PTPN3: variants seen among roughly 807,000 people sequenced by gnomAD.
The protein encoded by PTPN3 is protein tyrosine phosphatase non-receptor type 3.
A neutral mutation model predicts 132.7 loss-of-function variants in PTPN3; 96 were observed. The ratio of observed to expected loss-of-function variants is 0.72; its 90% CI spans 0.61 to 0.86. PTPN3 has a LOEUF of 0.86. PTPN3 is among the 40% of genes least tolerant of loss of function. PTPN3 has a pLI of 0.00. For synonymous variants in PTPN3, 398 were observed against 429.0 expected (o/e 0.93, Z 0.89); for missense variants, 1,125 against 1,159.6 (o/e 0.97, Z 0.43).
intron 19 of PTPN3, among the ~76,000 whole-genome samples, chr9:109,403,067 C>G (rs1316805145): frequency 2.0e-5 from 3 of 152,134 alleles, no homozygotes; most frequent in African/African-American, 7.2e-5. Flanking sequence ...GACAGACGCC[C>G]TGTCTCTAAA....
chr9:109,524,696 T>C, the PTPN3 span, among the ~76,000 whole-genome samples: 1 of 152,230 alleles, frequency 6.6e-6, no homozygotes, highest in African/African-American at 2.4e-5. Flanking sequence ...CTTTTCCTTT[T>C]AAGTAATTTC....
chr9:109,444,428 TCCATCTGGA>T (rs1844709600), intron 7 of PTPN3, among the ~76,000 whole-genome samples: 5 of 152,314 alleles, frequency 3.3e-5, no homozygotes, highest in African/African-American at 1.2e-4. Flanking sequence ...TCAAGAAAAT[TCCATCTGGA>T]CTTTCTATCC....
chr9:109,399,413 G>T (rs892002931), intron 19 of PTPN3, among the ~76,000 whole-genome samples: 1 of 152,136 alleles, frequency 6.6e-6, no homozygotes, highest in Non-Finnish European at 1.5e-5. Flanking sequence ...TCTGATTTTC[G>T]TTTTCTCCAT....
At chr9:109,430,935 C>T (rs1271359094) in intron 10 of PTPN3, among the ~76,000 whole-genome samples, 1 of 152,184 alleles carries the variant, frequency 6.6e-6, no homozygotes, top group South Asian at 2.1e-4. Context: ...TTTCCTTGGG[C>T]CAAAGCTCAG....
chr9:109,494,005 G>A (rs1847574414), intron 1 of PTPN3, among the ~76,000 whole-genome samples: 1 of 152,208 alleles, frequency 6.6e-6, no homozygotes, highest in African/African-American at 2.4e-5. Context: ...AAAACCAGAG[G>A]CATCCCTGCA....
intron 14 of PTPN3, among the ~76,000 whole-genome samples, chr9:109,419,946 TA>T (rs1181729011): frequency 6.6e-6 from 1 of 152,244 alleles, no homozygotes; most frequent in Non-Finnish European, 1.5e-5. Flanking sequence ...TTTGTTTCTT[TA>T]TACTAACTAT....
the PTPN3 span, among the ~76,000 whole-genome samples, chr9:109,504,257 A>T: frequency 6.6e-6 from 1 of 152,170 alleles, no homozygotes; most frequent in Non-Finnish European, 1.5e-5. Flanking sequence ...CAGGAGATGG[A>T]GTCAGAGAGG....
At chr9:109,430,060 T>C (rs1297765210) in intron 10 of PTPN3, among the ~76,000 whole-genome samples, 1 of 152,148 alleles carries the variant, frequency 6.6e-6, no homozygotes, top group Non-Finnish European at 1.5e-5. Context: ...AACTGTGAAG[T>C]AAATTTTTTG....
intron 18 of PTPN3, 104 bp downstream of exon 18, chr9:109,406,358 G>T: frequency 7.3e-7 from 1 of 1,366,820 alleles, no homozygotes; most frequent in Non-Finnish European, 1.0e-6. Flanking sequence ...ATTTTCAAAT[G>T]TTGGCTACAA....
chr9:109,438,197 T>C lies in PTPN3; in HGVS notation c.504A>G (p.Pro168=). The C allele has an allele frequency of 1.2e-6, 2 of 1,612,982 alleles. No individual in the cohort carries two copies. The highest frequency in any genetic ancestry group is 1.1e-5 in the South Asian group (1 of 91,026). The change falls in exon 8 of 26, where the codon CCA becomes CCG. Residue 168 remains proline, a synonymous_variant. Coordinates refer to ENST00000374541, the MANE Select transcript of PTPN3 (RefSeq NM_002829.4). ...TAAAGTGACTATCGGAAAGATAGCC[T>C]GGATGATGTATGGAAGAATTATAGT... ...FGDYNSSIHH[P]GYLSDSHFIP...
At position 109,428,641 on chromosome 9, in the gene PTPN3, T is replaced by C; in HGVS notation, c.808A>G (p.Ile270Val). Reference protein sequence around the residue: ...KISFKRKKFFIHQRQKQAESR... With the variant: ...KISFKRKKFFVHQRQKQAESR... ...CTCACCTGTTTCTGTCGCTGATGTA[T>C]GAAGAACTTTTTCCTTTTGAAAGAA... Residue 270 changes from isoleucine (I) to valine (V), a missense_variant, in exon 11 of 26, where the codon ATA (isoleucine) becomes GTA (valine). Transcript: ENST00000374541. The C allele has an allele frequency of 1.2e-6, 2 of 1,613,894 alleles. No homozygotes were observed. The highest frequency in any genetic ancestry group is 1.7e-6 in the Non-Finnish European group (2 of 1,179,856).
At chr9:109,483,657 C>T (rs889104453) in intron 1 of PTPN3, among the ~76,000 whole-genome samples, 2 of 152,152 alleles carry the variant, frequency 1.3e-5, no homozygotes, top group Non-Finnish European at 2.9e-5. Context: ...TCAAATCACT[C>T]CATACGTCTC....
At chr9:109,382,221 G>T in intron 24 of PTPN3, 81 bp downstream of exon 24, 1 of 1,484,230 alleles carries the variant, frequency 6.7e-7, no homozygotes. Context: ...ATGTAGGGTG[G>T]GTCTGGCGCC....
chr9:109,522,003 T>C, the PTPN3 span, among the ~76,000 whole-genome samples: 1 of 90,112 alleles, frequency 1.1e-5, no homozygotes, highest in Non-Finnish European at 2.3e-5. Context: ...GGCTAGAGCC[T>C]GTCAGTGGCA....
At chr9:109,536,537 G>A in the PTPN3 span, among the ~76,000 whole-genome samples, 1 of 152,192 alleles carries the variant, frequency 6.6e-6, no homozygotes, top group African/African-American at 2.4e-5. Context: ...GTATCCAAGG[G>A]CAAGGACTGT....
At chr9:109,493,245 AAAAC>A (rs141159233) in intron 1 of PTPN3, among the ~76,000 whole-genome samples, 1 of 152,192 alleles carries the variant, frequency 6.6e-6, no homozygotes, top group African/African-American at 2.4e-5. Context: ...CTATATTTAA[AAAAC>A]AAACAAACAA....
rs143333659 is a variant in PTPN3 at position 109,387,741 on chromosome 9, T to G, written c.2253+1492A>C. 5.9e-3 allele frequency among the ~76,000 whole-genome samples: 895 copies of G among 152,276 alleles called. 5 individuals carry two copies. Among genetic ancestry groups the G allele is most frequent in the African/African-American group, 0.021 (865 of 41,552 alleles). On this transcript the variant is annotated intron_variant, in intron 22 of 25. Coordinates refer to ENST00000374541, the MANE Select transcript of PTPN3 (RefSeq NM_002829.4). ...CAAAGCCCCTGCCTCTGACCGCCAG[T>G]GGGCCAGGAAGAGTACCTGCATTAT... is the stretch of plus-strand genomic sequence containing the variant.
In PTPN3 at chr9:109,417,518, A is replaced by G. The variant is rs796926277; in HGVS notation, c.1313+2906T>C. 4.3e-6 allele frequency: 4 copies of G among 932,134 alleles called. No individual in the cohort carries two copies. In the African/African-American group the frequency reaches 7.2e-5, roughly 17 times the overall value. 57.7% of individuals were successfully genotyped at this position (932,134 alleles called of 1,614,324 possible). A position where few individuals can be genotyped will look rare whatever the true frequency, so the allele number is the denominator to read the frequency against. On this transcript the variant is annotated intron_variant, in intron 14 of 25. Transcript: ENST00000374541. ...GTAAACATTTTGCAAATACTCACAG[A>G]AACTAACCAACAGGTTTTTTTTTTT... is the stretch of plus-strand genomic sequence containing the variant.
chr9:109,428,121 G>A (rs1843409114), intron 11 of PTPN3, among the ~76,000 whole-genome samples: 1 of 152,336 alleles, frequency 6.6e-6, no homozygotes, highest in South Asian at 2.1e-4. Context: ...GTTACTTTGT[G>A]GTGGGCTCTC....
Sources: gnomAD v4.1 joint callset for allele counts (sites outside exome capture counted in the v4.1 genomes callset) on GRCh38, gnomAD v4.1.1 for gene constraint, MANE v1.5 for transcripts, NCBI Gene and HGNC (gene_info 2026-07-23, HGNC 2026-07-21) for gene names.